PIK3C2A: variants seen among roughly 807,000 people sequenced by gnomAD.
The protein encoded by PIK3C2A is phosphatidylinositol-4-phosphate 3-kinase catalytic subunit type 2 alpha, also known as phosphatidylinositol 4-phosphate 3-kinase C2 domain-containing subunit alpha.
Under a neutral mutation model 204.5 loss-of-function variants are expected in PIK3C2A, and 97 were observed. That is an observed-to-expected ratio of 0.47 (90% CI 0.40 to 0.56). PIK3C2A has a LOEUF of 0.56. Among genes scored for constraint, PIK3C2A ranks in the 20% least tolerant of loss-of-function variants. The pLI is 0.00. For missense variants in PIK3C2A, 1,735 were observed against 1,969.2 expected, an observed-to-expected ratio of 0.88 and a Z score of 2.25; for synonymous variants, 653 against 664.4, an observed-to-expected ratio of 0.98 and a Z score of 0.26.
At position 17,114,365 on chromosome 11, in the gene PIK3C2A, A is replaced by G. The variant is rs757722080; in HGVS notation, c.3317T>C (p.Ile1106Thr). Residue 1106 changes from isoleucine (I) to threonine (T), a missense_variant, in exon 20 of 33, where the codon ATT (isoleucine) becomes ACT (threonine). Ile to Thr is a moderately conservative substitution (Grantham distance 89, BLOSUM62 -1). This residue lies in a region of PIK3C2A where 567 missense variants were observed against 576.0 expected (regional missense o/e 0.98). Transcript: ENST00000691414. ...KPSLVAKELN[I>T]KSCSFFSSNA... Reference sequence around the variant, plus strand: ...TATAAGTATTTTATGTGTCACCTTAATATTTAATTCTTTTGCCACTAGACT... The same window carrying G: ...TATAAGTATTTTATGTGTCACCTTAGTATTTAATTCTTTTGCCACTAGACT... The G allele has an allele frequency of 7.0e-7, 1 of 1,437,050 alleles. No homozygotes were observed. Among genetic ancestry groups the G allele is most frequent in the African/African-American group, 1.4e-5 (1 of 71,544 alleles). 89.0% of individuals were successfully genotyped at this position (1,437,050 alleles called of 1,614,324 possible).
intron 4 of PIK3C2A, among the ~76,000 whole-genome samples, chr11:17,150,291 T>C (rs550984102): frequency 1.1e-4 from 16 of 152,228 alleles, no homozygotes; most frequent in Non-Finnish European, 1.9e-4. Context: ...GAGCCACTGA[T>C]TAACAAAAGT....
chr11:17,127,471 G>A (rs1271664791), intron 13 of PIK3C2A, among the ~76,000 whole-genome samples: 1 of 151,872 alleles, frequency 6.6e-6, no homozygotes, highest in African/African-American at 2.4e-5. Context: ...ACCACACCTG[G>A]CTAATTTTTG....
At chr11:17,150,155 C>A (rs1196432501) in intron 4 of PIK3C2A, among the ~76,000 whole-genome samples, 1 of 152,086 alleles carries the variant, frequency 6.6e-6, no homozygotes, top group African/African-American at 2.4e-5. Context: ...AGCAAGATAT[C>A]TGGAATTTCA....
intron 1 of PIK3C2A, among the ~76,000 whole-genome samples, chr11:17,190,555 A>G (rs1377674104): frequency 2.0e-5 from 3 of 148,306 alleles, no homozygotes; most frequent in African/African-American, 7.5e-5. Context: ...AGCCTGGGCG[A>G]CAGAGCAAGA....
intron 2 of PIK3C2A, among the ~76,000 whole-genome samples, chr11:17,163,824 A>T (rs1850860657): frequency 1.3e-5 from 2 of 151,648 alleles, no homozygotes; most frequent in Non-Finnish European, 2.9e-5. Flanking sequence ...TCAACATTTC[A>T]TCCTGTTTTA....
Position 17,087,208 on chromosome 11 carries a change from C to G in PIK3C2A, c.*2530G>C, listed in dbSNP as rs1318022903. On this transcript the variant is annotated 3_prime_UTR_variant, in exon 33 of 33. Coordinates refer to ENST00000691414, the MANE Select transcript of PIK3C2A (RefSeq NM_002645.4). ...TGTGATTATACATAAAAATTAGTGT[C>G]TTGGCCAGTTTGTTAAACTTTTTTT... 2 of 152,110 alleles carry G rather than the reference C, an allele frequency of 1.3e-5. No homozygotes were observed. Among genetic ancestry groups the G allele is most frequent in the African/African-American group, 4.8e-5 (2 of 41,436 alleles). The allele number at this position is 152,110 out of a possible 1,614,324, so 9.4% of individuals were successfully genotyped here. A position where few individuals can be genotyped will look rare whatever the true frequency, so the allele number is the denominator to read the frequency against.
intron 6 of PIK3C2A, among the ~76,000 whole-genome samples, chr11:17,146,230 T>G (rs971382881): frequency 6.6e-6 from 1 of 152,160 alleles, no homozygotes; most frequent in South Asian, 2.1e-4. Flanking sequence ...GTTCTATATA[T>G]AGAGAATAGA....
At position 17,199,975 on chromosome 11, in the gene PIK3C2A, C is replaced by T. The variant is rs867721117; in HGVS notation, c.-66+7873G>A. Among the ~76,000 whole-genome samples, 72 of 148,764 alleles carry T rather than the reference C, an allele frequency of 4.8e-4. 1 individual carries two copies. In the Middle Eastern group the frequency reaches 0.015, roughly 30 times the overall value. On this transcript the variant is annotated intron_variant, in intron 1 of 32. Transcript: ENST00000691414. ...TTGAGAAGAGAATGAACAGTCACTG[C>T]TTAACAGCTACAGAGTTTGTTTGGG...
chr11:17,135,194 A>T (rs773194439), intron 9 of PIK3C2A, 35 bp from the exon 10 acceptor site: 32 of 1,603,246 alleles, frequency 2.0e-5, no homozygotes, highest in African/African-American at 2.7e-5. Context: ...TAGTCAGAAA[A>T]CTGCCTATGA....
At chr11:17,183,716 T>C (rs1202244012) in intron 1 of PIK3C2A, among the ~76,000 whole-genome samples, 1 of 151,870 alleles carries the variant, frequency 6.6e-6, no homozygotes, top group Non-Finnish European at 1.5e-5. Context: ...TTATCGTAAG[T>C]TATGTACATA....
chr11:17,117,720 T>G lies in PIK3C2A; in HGVS notation c.3036-49A>C, dbSNP rs540569508. On this transcript the variant is annotated intron_variant, in intron 18 of 32. Coordinates refer to ENST00000691414, the MANE Select transcript of PIK3C2A (RefSeq NM_002645.4). ...TAGTCACGTCTTGGTTTTTTTTTTT[T>G]TTTTTTTTTTTTGAGACGGAGCCTC... 93 of 1,194,520 alleles carry G rather than the reference T, an allele frequency of 7.8e-5. No homozygotes were observed. The African/African-American group carries it at 1.2e-3, about 15-fold the overall frequency. The allele number at this position is 1,194,520 out of a possible 1,614,324, so 74.0% of individuals were successfully genotyped here.
intron 28 of PIK3C2A, among the ~76,000 whole-genome samples, chr11:17,093,385 G>A (rs1268327454): frequency 6.6e-6 from 1 of 152,142 alleles, no homozygotes; most frequent in Non-Finnish European, 1.5e-5. Context: ...TCCTGCCTCA[G>A]CCTCCCAAGT....
chr11:17,143,864 G>A (rs939529004), intron 8 of PIK3C2A, among the ~76,000 whole-genome samples: 10 of 152,132 alleles, frequency 6.6e-5, no homozygotes, highest in African/African-American at 2.2e-4. Context: ...CTGAACCCAG[G>A]AGGCAGAGAT....
At chr11:17,164,701 C>A (rs775081268) in intron 2 of PIK3C2A, among the ~76,000 whole-genome samples, 74 of 152,152 alleles carry the variant, frequency 4.9e-4, no homozygotes, top group Non-Finnish European at 9.1e-4. Context: ...TATTTTTTAA[C>A]TAAGATCTAG....
chr11:17,177,810 A>G (rs1851386633), intron 1 of PIK3C2A, among the ~76,000 whole-genome samples: 1 of 152,202 alleles, frequency 6.6e-6, no homozygotes, highest in Non-Finnish European at 1.5e-5. Context: ...AAACAGAATG[A>G]GGCCAGTAGC....
intron 11 of PIK3C2A, among the ~76,000 whole-genome samples, chr11:17,134,398 G>A (rs1262338544): frequency 2.6e-5 from 4 of 151,008 alleles, no homozygotes; most frequent in African/African-American, 9.8e-5. Context: ...TTTAGCTCTT[G>A]TTGACAAGGC....
rs1001392807 is a variant in PIK3C2A at position 17,086,827 on chromosome 11, A to G, written c.*2911T>C. 1 of 152,210 alleles carries G rather than the reference A, an allele frequency of 6.6e-6. No homozygotes were observed. Among genetic ancestry groups the G allele is most frequent in the African/African-American group, 2.4e-5 (1 of 41,472 alleles). The allele number at this position is 152,210 out of a possible 1,614,324, so 9.4% of individuals were successfully genotyped here. A position where few individuals can be genotyped will look rare whatever the true frequency, so the allele number is the denominator to read the frequency against. On this transcript the variant is annotated 3_prime_UTR_variant, in exon 33 of 33. Coordinates refer to ENST00000691414, the MANE Select transcript of PIK3C2A (RefSeq NM_002645.4). ...TTCAGTCCTTTTTGATCTGAAGTCT[A>G]AGTTTCAAAAGTGAATGTTTTCTTT...
At chr11:17,171,459 G>A (rs1851157936) in intron 1 of PIK3C2A, among the ~76,000 whole-genome samples, 1 of 150,996 alleles carries the variant, frequency 6.6e-6, no homozygotes, top group African/African-American at 2.4e-5. Context: ...ATTCAAATTA[G>A]TATAATACAA....
chr11:17,092,005 TAGCTATCCCTTC>T lies in PIK3C2A; in HGVS notation c.4621_4632del (p.Glu1541_Ala1544del). On this transcript the variant is annotated inframe_deletion, in exon 30 of 33. Coordinates refer to ENST00000691414, the MANE Select transcript of PIK3C2A (RefSeq NM_002645.4). The stretch of plus-strand genomic sequence containing the variant: ...AAAAAAATAATCTCACCTGCAGACC[TAGCTATCCCTTC>T]AGCTTTCTCATCACGAAGTAAAGGG... The T allele has an allele frequency of 6.2e-7, 1 of 1,603,702 alleles. No individual in the cohort carries two copies. Among genetic ancestry groups the T allele is most frequent in the Non-Finnish European group, 8.5e-7 (1 of 1,170,796 alleles).
Sources: gnomAD v4.1 joint callset for allele counts (sites outside exome capture counted in the v4.1 genomes callset) on GRCh38, gnomAD v4.1.1 for gene constraint, gnomAD v4.1.1 regional missense constraint, MANE v1.5 for transcripts, NCBI Gene and HGNC (gene_info 2026-07-23, HGNC 2026-07-21) for gene names.